The following FAM120B variants were observed in gnomAD, a reference collection of about 807,000 sequenced individuals.
FAM120B encodes constitutive coactivator of peroxisome proliferator-activated receptor gamma.
Under a neutral mutation model 96.3 loss-of-function variants are expected in FAM120B, and 83 were observed. The observed-to-expected ratio is 0.86, with a 90% confidence interval of 0.72 to 1.03. The LOEUF is 1.03. Among genes scored for constraint, FAM120B ranks in the 50% least tolerant of loss-of-function variants. FAM120B has a pLI of 0.00. For missense variants in FAM120B, 1,027 were observed against 1,121.2 expected, an observed-to-expected ratio of 0.92 and a Z score of 1.20; for synonymous variants, 407 against 402.7, an observed-to-expected ratio of 1.01 and a Z score of -0.13.
upstream of FAM120B, chr6:170,306,607 G>C (rs1197184375): frequency 6.6e-6 from 1 of 152,194 alleles, no homozygotes; most frequent in African/African-American, 2.4e-5. Flanking sequence ...GCCGGCGCCT[G>C]CGCGCCGCGT....
intron 9 of FAM120B, among the ~76,000 whole-genome samples, chr6:170,402,344 C>T (rs1328169217): frequency 6.6e-6 from 1 of 152,218 alleles, no homozygotes; most frequent in African/African-American, 2.4e-5. Context: ...AGTACGCACA[C>T]CTGTAAGTAC....
chr6:170,394,244 C>T (rs1261253812), intron 8 of FAM120B, among the ~76,000 whole-genome samples: 1 of 152,170 alleles, frequency 6.6e-6, no homozygotes, highest in Non-Finnish European at 1.5e-5. Flanking sequence ...GGTGAGTCAG[C>T]CTTAGAGACC....
chr6:170,290,923 G>C (rs1206771235), upstream of FAM120B: 7 of 697,212 alleles, frequency 1.0e-5, no homozygotes, highest in Non-Finnish European at 1.8e-5. This position sits in a 1 kb window ranked among gnomAD's most constrained non-coding sequence, Gnocchi z 4.7. Flanking sequence ...TGCGCGCAGA[G>C]GATCTGGCTC....
At chr6:170,400,582 G>A (rs930395777) in intron 9 of FAM120B, among the ~76,000 whole-genome samples, 45 of 152,160 alleles carry the variant, frequency 3.0e-4, no homozygotes, top group African/African-American at 1.1e-3. Flanking sequence ...TCTGATCAGT[G>A]TGGCCTGACC....
chr6:170,347,947 A>G (rs778564607), intron 4 of FAM120B, among the ~76,000 whole-genome samples: 3 of 152,106 alleles, frequency 2.0e-5, no homozygotes, highest in Non-Finnish European at 4.4e-5. Context: ...AAAAGAAGGA[A>G]TGTTTTCATT....
intron 9 of FAM120B, among the ~76,000 whole-genome samples, chr6:170,402,790 T>A (rs976039996): frequency 1.3e-5 from 2 of 152,228 alleles, no homozygotes; most frequent in African/African-American, 2.4e-5. Flanking sequence ...TAAGGGAGCA[T>A]GTTTTACCAC....
At chr6:170,361,237 C>T (rs200324739) in intron 6 of FAM120B, among the ~76,000 whole-genome samples, 16,598 of 53,624 alleles carry the variant, frequency 0.31, 2,720 homozygotes, top group East Asian at 0.75. Flanking sequence ...TATATATATA[C>T]ACGTATATAT....
chr6:170,327,340 C>T (rs1384001909), intron 3 of FAM120B, among the ~76,000 whole-genome samples: 1 of 152,164 alleles, frequency 6.6e-6, no homozygotes, highest in African/African-American at 2.4e-5. Context: ...GCCACCGCGC[C>T]CGGCCAACTT....
intron 7 of FAM120B, 123 bp downstream of exon 7, chr6:170,388,616 AC>A: frequency 1.3e-6 from 1 of 778,166 alleles, no homozygotes; most frequent in Non-Finnish European, 2.1e-6. Flanking sequence ...ATTCCGTTAA[AC>A]CAGGAACACA....
chr6:170,360,808 A>G (rs574683185), intron 6 of FAM120B, among the ~76,000 whole-genome samples: 1 of 152,042 alleles, frequency 6.6e-6, no homozygotes, highest in East Asian at 1.9e-4. Flanking sequence ...AGTTTCGTTC[A>G]TCTCCCCACC....
chr6:170,310,817 C>T (rs946568985), intron 1 of FAM120B, among the ~76,000 whole-genome samples: 19 of 152,320 alleles, frequency 1.2e-4, no homozygotes, highest in Admixed American at 9.2e-4. Flanking sequence ...CAGAGGACTC[C>T]GAGTCTTTGT....
rs6917485 is a variant in FAM120B at position 170,318,498 on chromosome 6, G to T, written c.1108G>T (p.Asp370Tyr). 0.14 allele frequency: 217,469 copies of T among 1,604,744 alleles called. 15,645 individuals carry two copies. The highest frequency in any genetic ancestry group is 0.2 in the East Asian group (8,721 of 43,528). ...ESRREVPVYTDSEPRQEVPMC... is the reference protein window; with the variant it reads ...ESRREVPVYTYSEPRQEVPMC... ...CAGGCGAGAAGTTCCCGTGTATACA[G>T]ATTCTGAACCCAGGCAAGAAGTTCC... The change falls in exon 2 of 11, where the codon GAT becomes TAT. Residue 370 changes from aspartate to tyrosine, a missense_variant. Physicochemically the swap from Asp to Tyr is radical, Grantham distance 160 (BLOSUM62 -3). Coordinates refer to ENST00000476287, the MANE Select transcript of FAM120B (RefSeq NM_032448.3).
At chr6:170,297,027 G>C (rs1305201332) in intron 1 of FAM120B, among the ~76,000 whole-genome samples, 2 of 152,250 alleles carry the variant, frequency 1.3e-5, no homozygotes, top group African/African-American at 4.8e-5. Context: ...GCTGGGCTCA[G>C]CTTGCCGGGA....
At chr6:170,291,111 C>G (rs1583159203), upstream of FAM120B, 3 of 532,082 alleles carry the variant, frequency 5.6e-6, no homozygotes, top group South Asian at 4.6e-5. Context: ...CCTCCCCGCC[C>G]CCACCCTTCC....
intron 5 of FAM120B, among the ~76,000 whole-genome samples, chr6:170,349,504 C>T (rs911028949): frequency 6.6e-6 from 1 of 152,178 alleles, no homozygotes; most frequent in Non-Finnish European, 1.5e-5. Context: ...GCTTGCTCTA[C>T]CTTTTGCATT....
chr6:170,295,095 A>G (rs552311984), upstream of FAM120B, among the ~76,000 whole-genome samples: 35 of 152,356 alleles, frequency 2.3e-4, no homozygotes, highest in African/African-American at 8.2e-4. This position sits in a 1 kb window ranked among gnomAD's most constrained non-coding sequence, Gnocchi z 7.8. Flanking sequence ...AAAGCAGTTA[A>G]CGTAGCAGAG....
At position 170,295,993 on chromosome 6, in the gene FAM120B, C is replaced by T. The variant is rs1221547171; in HGVS notation, c.48+540C>T. 2.0e-5 allele frequency among the ~76,000 whole-genome samples: 3 copies of T among 152,092 alleles called. No homozygotes were observed. The highest frequency in any genetic ancestry group is 4.4e-5 in the Non-Finnish European group (3 of 67,990). On this transcript the variant is annotated intron_variant, in intron 1 of 10. Coordinates refer to the FAM120B transcript ENST00000537664. The surrounding 1 kb of genome is among the most constrained non-coding windows in gnomAD (Gnocchi z 7.8). ...GCGGGCCCCCGCCCCCTCCTCTGCG[C>T]CGCGGCTCCTTCCCCTGGAACCCGC...
rs963570869 is a variant in FAM120B at position 170,336,780 on chromosome 6, T to C, written c.2017+6230T>C. On this transcript the variant is annotated intron_variant, in intron 4 of 10. Coordinates refer to ENST00000476287, the MANE Select transcript of FAM120B (RefSeq NM_032448.3). The stretch of plus-strand genomic sequence containing the variant: ...GTAAGTTGTATTCCTAGGTATTTTA[T>C]TCTCTGTGTAGCAATTGTGAATGGG... 8.5e-5 allele frequency among the ~76,000 whole-genome samples: 13 copies of C among 152,208 alleles called. 1 individual carries two copies. Among genetic ancestry groups the C allele is most frequent in the African/African-American group, 3.1e-4 (13 of 41,454 alleles).
intron 8 of FAM120B, among the ~76,000 whole-genome samples, 194 bp from the exon 9 acceptor site, chr6:170,395,293 G>T (rs988014488): frequency 9.9e-5 from 15 of 152,186 alleles, no homozygotes; most frequent in Admixed American, 2.6e-4. Flanking sequence ...TTAACACGCA[G>T]ATCTGTGACT....
Sources: gnomAD v4.1 joint callset for allele counts (sites outside exome capture counted in the v4.1 genomes callset) on GRCh38, gnomAD v4.1.1 for gene constraint, Gnocchi (gnomAD v3.1) non-coding constraint, MANE v1.5 for transcripts, NCBI Gene and HGNC (gene_info 2026-07-23, HGNC 2026-07-21) for gene names.